PLCL1: variants seen among roughly 807,000 people sequenced by gnomAD.
The protein encoded by PLCL1 is phospholipase C like 1 (inactive).
PLCL1 carries 41 observed loss-of-function variants against 84.4 expected under a neutral mutation model. The ratio of observed to expected loss-of-function variants is 0.49; its 90% CI spans 0.38 to 0.63. The LOEUF (loss-of-function observed/expected upper bound fraction) is 0.63, where lower values mean the gene tolerates loss of function less well. PLCL1 is among the 30% of genes least tolerant of loss of function. The probability of loss-of-function intolerance (pLI) is 0.00; values close to 1 mark genes in which losing one functional copy is unlikely to be tolerated. For synonymous variants in PLCL1, 490 were observed against 488.3 expected (o/e 1.00, Z -0.05); for missense variants, 1,206 against 1,367.8 (o/e 0.88, Z 1.87).
chr2:198,144,163 C>G (rs1694459595), intron 5 of PLCL1, among the ~76,000 whole-genome samples: 1 of 152,132 alleles, frequency 6.6e-6, no homozygotes, highest in Admixed American at 6.5e-5. Context: ...GAATTTTATG[C>G]GTTAGTAGGA....
At chr2:198,131,431 G>A (rs1694116098) in intron 5 of PLCL1, among the ~76,000 whole-genome samples, 1 of 152,118 alleles carries the variant, frequency 6.6e-6, no homozygotes, top group South Asian at 2.1e-4. Flanking sequence ...ATTATTGTAA[G>A]CAATTAGGTG....
chr2:197,827,286 C>T lies in PLCL1; in HGVS notation c.240+21947C>T, dbSNP rs1036854585. ...CAGTGCAATGTGGAGCCCGCTTTTT[C>T]TTCCAGTTCCAATTCCTACCACTTC... On this transcript the variant is annotated intron_variant, in intron 1 of 5. Transcript: ENST00000428675. Among the ~76,000 whole-genome samples, 10 of 152,250 alleles carry T rather than the reference C, an allele frequency of 6.6e-5. 1 individual carries two copies. The highest frequency in any genetic ancestry group is 6.5e-4 in the Admixed American group (10 of 15,280).
intron 1 of PLCL1, among the ~76,000 whole-genome samples, chr2:197,881,291 T>G (rs2105715215): frequency 6.6e-6 from 1 of 152,304 alleles, no homozygotes; most frequent in South Asian, 2.1e-4. Flanking sequence ...CAAACAATCT[T>G]GCAAATTAAT....
chr2:197,882,627 C>T (rs1687851349), intron 1 of PLCL1, among the ~76,000 whole-genome samples: 1 of 151,512 alleles, frequency 6.6e-6, no homozygotes, highest in African/African-American at 2.4e-5. Flanking sequence ...TGTATTACTC[C>T]CAAATGTATA....
At chr2:197,938,742 A>G (rs569607461) in intron 1 of PLCL1, among the ~76,000 whole-genome samples, 1 of 152,250 alleles carries the variant, frequency 6.6e-6, no homozygotes, top group East Asian at 1.9e-4. Flanking sequence ...GGCTGATTGG[A>G]TCTGAGGTTT....
chr2:197,983,540 G>A (rs1320968421), intron 1 of PLCL1, among the ~76,000 whole-genome samples: 1 of 152,010 alleles, frequency 6.6e-6, no homozygotes, highest in Admixed American at 6.6e-5. Context: ...GGCTAAATAA[G>A]CATTTTCTAT....
chr2:197,818,069 T>G (rs1200947168), intron 1 of PLCL1, among the ~76,000 whole-genome samples: 1 of 152,148 alleles, frequency 6.6e-6, no homozygotes, highest in South Asian at 2.1e-4. Flanking sequence ...AAAAGTAAGC[T>G]TTGTCTACTT....
At chr2:198,146,303 G>C (rs987425962) in intron 5 of PLCL1, among the ~76,000 whole-genome samples, 1 of 152,092 alleles carries the variant, frequency 6.6e-6, no homozygotes, top group Non-Finnish European at 1.5e-5. Flanking sequence ...CAAGCATAAG[G>C]GTATGTGACT....
At chr2:198,062,905 T>C (rs1434425626) in intron 1 of PLCL1, among the ~76,000 whole-genome samples, 1 of 152,184 alleles carries the variant, frequency 6.6e-6, no homozygotes, top group African/African-American at 2.4e-5. Context: ...AGAATCACCC[T>C]TGTCTTATTA....
At chr2:197,843,696 G>A (rs896364271) in intron 1 of PLCL1, among the ~76,000 whole-genome samples, 13 of 152,094 alleles carry the variant, frequency 8.5e-5, no homozygotes, top group Non-Finnish European at 4.4e-5. Flanking sequence ...GCTTCCATTT[G>A]GTTGTCCTTC....
rs574331851 is a variant in PLCL1 at position 197,834,843 on chromosome 2, T to C, written c.240+29504T>C. Among the ~76,000 whole-genome samples the C allele has an allele frequency of 7.3e-4, 111 of 152,346 alleles. 1 individual carries two copies. Among genetic ancestry groups the C allele is most frequent in the African/African-American group, 2.6e-3 (109 of 41,582 alleles). On this transcript the variant is annotated intron_variant, in intron 1 of 5. Transcript: ENST00000428675. ...TAAATCATTCTACTGTAAAGACACA[T>C]GCACACGTATGTTTATTGCAGCACT...
At chr2:198,030,733 A>C (rs544925161) in intron 1 of PLCL1, among the ~76,000 whole-genome samples, 43 of 152,198 alleles carry the variant, frequency 2.8e-4, no homozygotes, top group African/African-American at 1.0e-3. Flanking sequence ...CAGCATAGAG[A>C]GCTTAGTGGA....
At chr2:198,036,777 C>T (rs914074234) in intron 1 of PLCL1, among the ~76,000 whole-genome samples, 1 of 152,166 alleles carries the variant, frequency 6.6e-6, no homozygotes. Context: ...CTGCTACACA[C>T]AGAGACCATT....
At chr2:198,002,679 C>G (rs955288681) in intron 1 of PLCL1, among the ~76,000 whole-genome samples, 4 of 152,116 alleles carry the variant, frequency 2.6e-5, no homozygotes, top group African/African-American at 9.7e-5. Flanking sequence ...AAAAGCTAAA[C>G]AGTGAAGCTT....
chr2:197,838,706 A>T (rs1274474766), intron 1 of PLCL1, among the ~76,000 whole-genome samples: 1 of 152,202 alleles, frequency 6.6e-6, no homozygotes, highest in Non-Finnish European at 1.5e-5. Context: ...GTGAGTGGCA[A>T]TGGAGCTCCT....
Position 198,085,013 on chromosome 2 carries a change from A to C in PLCL1, c.1496A>C (p.Gln499Pro), listed in dbSNP as rs1692828716. ...LCLGNHCSLP[Q>P]QKVMAQQMKK... ...TTGGGAAATCACTGCTCCTTGCCGC[A>C]GCAGAAGGTAATGGCTCAACAGATG... is the stretch of plus-strand genomic sequence containing the variant. The change falls in exon 2 of 6, where the codon CAG becomes CCG. Residue 499 changes from glutamine to proline, a missense_variant. Coordinates refer to ENST00000428675, the MANE Select transcript of PLCL1 (RefSeq NM_006226.4). This position sits in a 1 kb window ranked among gnomAD's most constrained non-coding sequence, Gnocchi z 5.3. The C allele has an allele frequency of 1.2e-6, 2 of 1,613,958 alleles. No individual in the cohort carries two copies. Among genetic ancestry groups the C allele is most frequent in the Non-Finnish European group, 1.7e-6 (2 of 1,180,004 alleles).
intron 5 of PLCL1, among the ~76,000 whole-genome samples, chr2:198,111,180 A>T (rs1218728880): frequency 6.6e-6 from 1 of 151,832 alleles, no homozygotes; most frequent in Non-Finnish European, 1.5e-5. Context: ...CTACAATATA[A>T]CACAATGGCT....
At chr2:198,079,373 CAGT>C (rs1239972570) in intron 1 of PLCL1, among the ~76,000 whole-genome samples, 4 of 151,692 alleles carry the variant, frequency 2.6e-5, no homozygotes, top group African/African-American at 9.7e-5. Context: ...CTATTCCTAA[CAGT>C]AGTAGATAAG....
At chr2:198,053,406 C>T (rs1056234755) in intron 1 of PLCL1, among the ~76,000 whole-genome samples, 4 of 152,168 alleles carry the variant, frequency 2.6e-5, no homozygotes, top group African/African-American at 4.8e-5. Flanking sequence ...GTAAGACAGG[C>T]CCACTGTGGT....
Sources: gnomAD v4.1 joint callset for allele counts (sites outside exome capture counted in the v4.1 genomes callset) on GRCh38, gnomAD v4.1.1 for gene constraint, Gnocchi (gnomAD v3.1) non-coding constraint, MANE v1.5 for transcripts, NCBI Gene and HGNC (gene_info 2026-07-23, HGNC 2026-07-21) for gene names.